MAU2: variants seen among roughly 807,000 people sequenced by gnomAD.
MAU2 encodes MAU2 sister chromatid cohesion factor, also known as MAU2 chromatid cohesion factor homolog.
A neutral mutation model predicts 89.1 loss-of-function variants in MAU2; 9 were observed. The ratio of observed to expected loss-of-function variants is 0.10; its 90% CI spans 0.06 to 0.18. The LOEUF (loss-of-function observed/expected upper bound fraction) is 0.18. Ranked by LOEUF, MAU2 falls within the 10% of genes least tolerant of loss-of-function variation. The pLI is 1.00. For missense variants in MAU2, 425 were observed against 803.5 expected, an observed-to-expected ratio of 0.53 and a Z score of 5.69; for synonymous variants, 357 against 343.4, an observed-to-expected ratio of 1.04 and a Z score of -0.44.
chr19:19,324,017 C>G (rs1171151460), intron 1 of MAU2, among the ~76,000 whole-genome samples: 2 of 152,198 alleles, frequency 1.3e-5, no homozygotes, highest in Non-Finnish European at 2.9e-5. Context: ...TCAGCTCATG[C>G]AGGATGCCAA....
intron 1 of MAU2, among the ~76,000 whole-genome samples, chr19:19,326,146 G>A (rs2061502558): frequency 6.6e-6 from 1 of 151,828 alleles, no homozygotes; most frequent in Non-Finnish European, 1.5e-5. Flanking sequence ...GATTATAGGT[G>A]TGTGTCACCA....
intron 14 of MAU2, 46 bp from the exon 15 acceptor site, chr19:19,349,109 G>T: frequency 6.2e-7 from 1 of 1,609,598 alleles, no homozygotes; most frequent in Non-Finnish European, 8.5e-7. Context: ...TTGTAAACCT[G>T]CTTCTCAAAA....
intron 1 of MAU2, among the ~76,000 whole-genome samples, chr19:19,332,560 C>T (rs2061564386): frequency 6.7e-6 from 1 of 150,372 alleles, no homozygotes; most frequent in Non-Finnish European, 1.5e-5. Flanking sequence ...CCTCTGGCTC[C>T]CAGTCAGCGC....
chr19:19,352,264 C>T (rs2061751614), intron 16 of MAU2: 1 of 152,010 alleles, frequency 6.6e-6, no homozygotes, highest in African/African-American at 2.4e-5. Flanking sequence ...GTAGCCATTT[C>T]CACAGGACAG....
In MAU2 at chr19:19,341,296, G is replaced by C. The variant is rs530020990; in HGVS notation, c.624G>C (p.Leu208=). The C allele has an allele frequency of 6.8e-6, 11 of 1,613,026 alleles. No individual in the cohort carries two copies. Among genetic ancestry groups the C allele is most frequent in the Middle Eastern group, 1.9e-4 (1 of 5,318 alleles). Residue 208 remains leucine, a synonymous_variant, in exon 7 of 19, where the codon CTG becomes CTC. Coordinates refer to ENST00000262815, the MANE Select transcript of MAU2 (RefSeq NM_015329.4). ...AGCTGCAGGAGGTGCACCCGCTGCT[G>C]ACCCTCTGCGGGCAGATCGTGGAGA... is the stretch of plus-strand genomic sequence containing the variant. ...ERKLQEVHPL[L]TLCGQIVENW...
intron 10 of MAU2, chr19:19,344,325 T>C (rs1385035052): frequency 7.9e-6 from 2 of 252,548 alleles, no homozygotes; most frequent in East Asian, 2.2e-4. Context: ...GGCAGGAGAA[T>C]AGCCTGAACC....
At chr19:19,331,987 G>A (rs924041778) in intron 1 of MAU2, among the ~76,000 whole-genome samples, 4 of 152,346 alleles carry the variant, frequency 2.6e-5, no homozygotes, top group East Asian at 1.9e-4. Context: ...AAAGGCATAC[G>A]CCTCCGTTCT....
At chr19:19,350,063 G>A (rs1346135741) in intron 16 of MAU2, among the ~76,000 whole-genome samples, 1 of 150,410 alleles carries the variant, frequency 6.6e-6, no homozygotes, top group Non-Finnish European at 1.5e-5. Context: ...GGGAGGCCAA[G>A]GCGGGCAGAT....
chr19:19,337,512 C>T (rs1394093324), intron 4 of MAU2, among the ~76,000 whole-genome samples: 2 of 152,190 alleles, frequency 1.3e-5, no homozygotes, highest in Non-Finnish European at 1.5e-5. Flanking sequence ...GGTGGGAGTG[C>T]GGGGCTTCCC....
At chr19:19,332,326 ATTTTTTTT>A in intron 1 of MAU2, among the ~76,000 whole-genome samples, 1 of 101,950 alleles carries the variant, frequency 9.8e-6, no homozygotes, top group East Asian at 3.0e-4. Flanking sequence ...TGCCTGGCTG[ATTTTTTTT>A]TTTTTTTTTT....
At chr19:19,323,532 G>A (rs891737642) in intron 1 of MAU2, among the ~76,000 whole-genome samples, 1 of 151,716 alleles carries the variant, frequency 6.6e-6, no homozygotes, top group African/African-American at 2.4e-5. Context: ...TTTGAGACAG[G>A]GTCTCGCTCC....
At chr19:19,330,798 G>A (rs966183089) in intron 1 of MAU2, among the ~76,000 whole-genome samples, 7 of 152,116 alleles carry the variant, frequency 4.6e-5, no homozygotes, top group Non-Finnish European at 1.0e-4. Context: ...CTACTTGGGA[G>A]ACCGAGCCAG....
At chr19:19,346,101 C>T (rs576096846) in intron 12 of MAU2, among the ~76,000 whole-genome samples, 109 of 152,242 alleles carry the variant, frequency 7.2e-4, no homozygotes, top group African/African-American at 2.3e-3. Context: ...ACAGGGTTCC[C>T]ATTCCACGGC....
At chr19:19,350,638 C>G (rs559954061) in intron 16 of MAU2, among the ~76,000 whole-genome samples, 36 of 150,378 alleles carry the variant, frequency 2.4e-4, no homozygotes, top group African/African-American at 8.1e-4. Context: ...TGGTGGCTCA[C>G]GCCTGTAATC....
rs1056669815 is a variant in MAU2 at position 19,356,885 on chromosome 19, G to A, written c.*1103G>A. 6.6e-6 allele frequency: 1 copy of A among 152,300 alleles called. No individual in the cohort carries two copies. The highest frequency in any genetic ancestry group is 2.4e-5 in the African/African-American group (1 of 41,462). 9.4% of individuals were successfully genotyped at this position (152,300 alleles called of 1,614,324 possible). ...ATCAGGAGGTGCCCCAGTGGTCACAGTGTGGCATTCCGAGTTGGGGCGGGT... is the reference window on the plus strand; with the variant it reads ...ATCAGGAGGTGCCCCAGTGGTCACAATGTGGCATTCCGAGTTGGGGCGGGT... On this transcript the variant is annotated 3_prime_UTR_variant, in exon 19 of 19. Transcript: ENST00000262815.
intron 2 of MAU2, 96 bp from the exon 3 acceptor site, chr19:19,336,026 C>T: frequency 1.1e-6 from 1 of 874,868 alleles, no homozygotes; most frequent in Non-Finnish European, 1.9e-6. Context: ...GACGTGTGTG[C>T]CCTGCAGACC....
chr19:19,354,715 G>A (rs1261833726), intron 17 of MAU2: 5 of 508,052 alleles, frequency 9.8e-6, no homozygotes, highest in African/African-American at 3.8e-5. Context: ...GCTGTTAGCC[G>A]TGGCGCTCTC....
intron 18 of MAU2, 120 bp from the exon 19 acceptor site, chr19:19,355,588 C>T: frequency 8.3e-7 from 1 of 1,199,618 alleles, no homozygotes. Flanking sequence ...GCCCATTGGA[C>T]TGGGGCATGG....
chr19:19,327,942 A>G (rs1011197881), intron 1 of MAU2, among the ~76,000 whole-genome samples: 1 of 151,720 alleles, frequency 6.6e-6, no homozygotes, highest in South Asian at 2.1e-4. Flanking sequence ...TTACTTAGAC[A>G]TTTCTTGGCT....
Sources: allele counts gnomAD v4.1 joint callset (sites outside exome capture counted in the v4.1 genomes callset), GRCh38; gene constraint gnomAD v4.1.1; transcripts MANE v1.5; gene names NCBI Gene and HGNC (gene_info 2026-07-23, HGNC 2026-07-21).